Variants in RAB11B observed in about 807,000 individuals in gnomAD.
The protein encoded by RAB11B is ras-related protein Rab-11B.
RAB11B carries 7 observed loss-of-function variants against 23.7 expected under a neutral mutation model. That is an observed-to-expected ratio of 0.29 (90% CI 0.17 to 0.55). The LOEUF is 0.55. RAB11B is among the 20% of genes least tolerant of loss of function. RAB11B has a pLI of 0.93. For missense variants in RAB11B, 189 were observed against 320.0 expected (o/e 0.59, Z 3.12); for synonymous variants, 138 against 132.0 (o/e 1.05, Z -0.31).
intron 2 of RAB11B, among the ~76,000 whole-genome samples, chr19:8,401,130 G>T (rs1330034420): frequency 6.6e-6 from 1 of 151,864 alleles, no homozygotes; most frequent in Non-Finnish European, 1.5e-5. Flanking sequence ...GCCCAGGCTG[G>T]AGTGCAGTGG....
intron 4 of RAB11B, 178 bp downstream of exon 4, chr19:8,402,743 A>T: frequency 1.7e-6 from 1 of 594,386 alleles, no homozygotes; most frequent in Non-Finnish European, 3.0e-6. Flanking sequence ...GCTTACTGCA[A>T]CCTCCGCCTT....
chr19:8,392,382 C>G (rs1181641982), intron 1 of RAB11B, among the ~76,000 whole-genome samples: 1 of 151,304 alleles, frequency 6.6e-6, no homozygotes, highest in East Asian at 1.9e-4. Flanking sequence ...GTTCCCGGGA[C>G]TTGTCTGCAG....
At chr19:8,403,264 G>T in intron 4 of RAB11B, 149 bp from the exon 5 acceptor site, 1 of 976,660 alleles carries the variant, frequency 1.0e-6, no homozygotes, top group Non-Finnish European at 1.5e-6. Flanking sequence ...TCCTGGCTGG[G>T]TGCGCAGCCC....
At position 8,396,663 on chromosome 19, in the gene RAB11B, G is replaced by T. The variant is rs1971398591; in HGVS notation, c.41-3200G>T. 6.7e-6 allele frequency among the ~76,000 whole-genome samples: 1 copy of T among 149,256 alleles called. No individual in the cohort carries two copies. Among genetic ancestry groups the T allele is most frequent in the Admixed American group, 6.8e-5 (1 of 14,646 alleles). On this transcript the variant is annotated intron_variant, in intron 1 of 4. Coordinates refer to ENST00000328024, the MANE Select transcript of RAB11B (RefSeq NM_004218.4). The surrounding 1 kb of genome is among the most constrained non-coding windows in gnomAD (Gnocchi z 5.0). ...CCTGAGGCAGGATCGCACCTGGCGT[G>T]TTGGGGGAACAGCATGGAGGCCTGT...
rs1029741109 is a variant in RAB11B, at chr19:8,403,404, C to G, written c.512-9C>G. Reference sequence around the variant, plus strand: ...GCTCACCCCACGTCCCCCTGTACCCCCTTTGCAGAGATCTACCGCATCGTG... The same window carrying G: ...GCTCACCCCACGTCCCCCTGTACCCGCTTTGCAGAGATCTACCGCATCGTG... On this transcript the variant is annotated splice_polypyrimidine_tract_variant and intron_variant, in intron 4 of 4. Coordinates refer to ENST00000328024, the MANE Select transcript of RAB11B (RefSeq NM_004218.4). The G allele has an allele frequency of 1.9e-6, 3 of 1,610,818 alleles. No individual in the cohort carries two copies. The highest frequency in any genetic ancestry group is 1.7e-5 in the Admixed American group (1 of 59,802).
At chr19:8,398,279 C>T (rs1324012207) in intron 1 of RAB11B, among the ~76,000 whole-genome samples, 5 of 152,198 alleles carry the variant, frequency 3.3e-5, no homozygotes, top group Non-Finnish European at 4.4e-5. Context: ...CTCAGGCCCC[C>T]GTCCCTGGGT....
chr19:8,392,469 G>C (rs1971363151), intron 1 of RAB11B, among the ~76,000 whole-genome samples: 1 of 151,494 alleles, frequency 6.6e-6, no homozygotes, highest in African/African-American at 2.4e-5. Flanking sequence ...GGGTGGGGGG[G>C]GGCGGTGCCT....
At position 8,403,445 on chromosome 19, in the gene RAB11B, G is replaced by A. The variant is rs150053146; in HGVS notation, c.544G>A (p.Ala182Thr). 144 of 1,613,782 alleles carry A rather than the reference G, an allele frequency of 8.9e-5. No homozygotes were observed. Among genetic ancestry groups the A allele is most frequent in the Non-Finnish European group, 1.2e-4 (139 of 1,179,900 alleles). ...CCGCATCGTGTCACAGAAACAGATCGCAGACCGCGCTGCCCACGACGAGTC... is the reference window on the plus strand; with the variant it reads ...CCGCATCGTGTCACAGAAACAGATCACAGACCGCGCTGCCCACGACGAGTC... ...IYRIVSQKQI[A>T]DRAAHDESPG... Residue 182 changes from alanine to threonine, a missense_variant, in exon 5 of 5, where the codon GCA becomes ACA. Transcript: ENST00000328024.
intron 1 of RAB11B, among the ~76,000 whole-genome samples, chr19:8,391,213 A>G (rs1971349859): frequency 6.6e-6 from 1 of 152,184 alleles, no homozygotes; most frequent in East Asian, 1.9e-4. Context: ...CTCTCTTTTT[A>G]CACGTTGGGA....
At position 8,402,570 on chromosome 19, in the gene RAB11B, C is replaced by G. The variant is rs375915679; in HGVS notation, c.511+5C>G. ...CATTCAAGAACATCCTCACAGGTGGCCGGGGACCAGATGGGTGTGGGTAGG... is the reference window on the plus strand; with the variant it reads ...CATTCAAGAACATCCTCACAGGTGGGCGGGGACCAGATGGGTGTGGGTAGG... On this transcript the variant is annotated splice_donor_5th_base_variant and intron_variant, in intron 4 of 4. Transcript: ENST00000328024. 2 of 1,609,512 alleles carry G rather than the reference C, an allele frequency of 1.2e-6. No homozygotes were observed. Among genetic ancestry groups the G allele is most frequent in the African/African-American group, 2.7e-5 (2 of 74,946 alleles).
intron 1 of RAB11B, among the ~76,000 whole-genome samples, chr19:8,392,985 C>T (rs1971369792): frequency 7.7e-6 from 1 of 129,526 alleles, no homozygotes; most frequent in Non-Finnish European, 1.6e-5. Context: ...CGTGCCTGGC[C>T]TCTGCATTTT....
At chr19:8,394,315 C>T (rs1971380470) in intron 1 of RAB11B, among the ~76,000 whole-genome samples, 1 of 152,180 alleles carries the variant, frequency 6.6e-6, no homozygotes, top group African/African-American at 2.4e-5. Context: ...ACCACCATGC[C>T]CACCTATTTT....
intron 1 of RAB11B, among the ~76,000 whole-genome samples, chr19:8,392,815 C>T (rs777253629): frequency 8.6e-5 from 13 of 150,496 alleles, no homozygotes; most frequent in South Asian, 6.3e-4. Flanking sequence ...CTCAGCCTCC[C>T]GAGTAGCTGG....
At chr19:8,397,829 C>T (rs1971408313) in intron 1 of RAB11B, among the ~76,000 whole-genome samples, 1 of 152,036 alleles carries the variant, frequency 6.6e-6, no homozygotes, top group Admixed American at 6.5e-5. Context: ...TCCCCGAGCT[C>T]AGGAGGAACA....
chr19:8,395,312 C>T (rs374187385), intron 1 of RAB11B, among the ~76,000 whole-genome samples: 4 of 143,080 alleles, frequency 2.8e-5, no homozygotes, highest in African/African-American at 7.8e-5. Flanking sequence ...CTCGCTGTGT[C>T]GCCCAGCTTG....
intron 4 of RAB11B, 80 bp downstream of exon 4, chr19:8,402,645 G>C (rs368504709): frequency 1.4e-6 from 1 of 706,710 alleles, no homozygotes; most frequent in Admixed American, 2.9e-5. Flanking sequence ...CGCTTGTTTT[G>C]TTCGTTTGCT....
chr19:8,403,824 G>A lies in RAB11B; in HGVS notation c.*266G>A, dbSNP rs1034696147. On this transcript the variant is annotated 3_prime_UTR_variant, in exon 5 of 5. Coordinates refer to ENST00000328024, the MANE Select transcript of RAB11B (RefSeq NM_004218.4). The stretch of plus-strand genomic sequence containing the variant: ...GGGTGGGGAGGGCGGCAGGATGGAC[G>A]GGGCTGGCCAGAGGCGAGGAGGACG... 3.3e-5 allele frequency: 15 copies of A among 454,986 alleles called. No homozygotes were observed. The Admixed American group carries it at 3.7e-4, about 11-fold the overall frequency. 28.2% of individuals were successfully genotyped at this position (454,986 alleles called of 1,614,324 possible). A position where few individuals can be genotyped will look rare whatever the true frequency, so the allele number is the denominator to read the frequency against.
chr19:8,399,223 G>A (rs1971419355), intron 1 of RAB11B, among the ~76,000 whole-genome samples: 1 of 151,966 alleles, frequency 6.6e-6, no homozygotes, highest in Non-Finnish European at 1.5e-5. Context: ...AAAGTGCTGG[G>A]ATTACAGGTG....
Position 8,403,906 on chromosome 19 carries a change from T to C in RAB11B, c.*348T>C. The C allele has an allele frequency of 4.7e-6, 1 of 213,812 alleles. No individual in the cohort carries two copies. Among genetic ancestry groups the C allele is most frequent in the Non-Finnish European group, 9.3e-6 (1 of 107,414 alleles). The allele number at this position is 213,812 out of a possible 1,614,324, so 13.2% of individuals were successfully genotyped here. A position where few individuals can be genotyped will look rare whatever the true frequency, so the allele number is the denominator to read the frequency against. On this transcript the variant is annotated 3_prime_UTR_variant, in exon 5 of 5. Transcript: ENST00000328024. ...TGGCCGACTCTAGGGAGCGATTGCC[T>C]CCCTCCCTCCGTGACCGGGTGGCCC...
Sources: gnomAD v4.1 joint callset for allele counts (sites outside exome capture counted in the v4.1 genomes callset) on GRCh38, gnomAD v4.1.1 for gene constraint, Gnocchi (gnomAD v3.1) non-coding constraint, MANE v1.5 for transcripts, NCBI Gene and HGNC (gene_info 2026-07-23, HGNC 2026-07-21) for gene names.